Variants in PRR16 observed in about 807,000 individuals in gnomAD.
PRR16 encodes the protein proline rich 16.
A neutral mutation model predicts 18.2 loss-of-function variants in PRR16; 6 were observed. That is an observed-to-expected ratio of 0.33 (90% confidence interval 0.18 to 0.65). PRR16 has a LOEUF of 0.65. PRR16 is among the 30% of genes least tolerant of loss of function. The pLI is 0.74. For missense variants in PRR16, 412 were observed against 376.6 expected, an observed-to-expected ratio of 1.09 and a Z score of -0.78; for synonymous variants, 151 against 147.8, an observed-to-expected ratio of 1.02 and a Z score of -0.16.
the PRR16 span, among the ~76,000 whole-genome samples, chr5:120,754,278 A>G: frequency 5.8e-5 from 2 of 34,692 alleles, no homozygotes; most frequent in Non-Finnish European, 1.0e-4. Flanking sequence ...ATAAAATAAT[A>G]TATAAATATA....
the PRR16 span, among the ~76,000 whole-genome samples, chr5:120,785,575 G>GTTTTTTTTTTTTTTTTT: frequency 2.6e-5 from 3 of 115,404 alleles, no homozygotes; most frequent in African/African-American, 6.8e-5. Context: ...TGTTGTTGTT[G>GTTTTTTTTTTTTTTTTT]TTTTTTTTTT....
chr5:120,587,903 G>A (rs1379862101), intron 1 of PRR16, among the ~76,000 whole-genome samples: 1 of 152,114 alleles, frequency 6.6e-6, no homozygotes, highest in Non-Finnish European at 1.5e-5. Context: ...AAAACATTTT[G>A]GAAAAGATTC....
In PRR16 at chr5:120,580,545, C is replaced by T. The variant is rs1753238218; in HGVS notation, c.160-105409C>T. On this transcript the variant is annotated intron_variant, in intron 1 of 1. Coordinates refer to ENST00000407149, the MANE Select transcript of PRR16 (RefSeq NM_001300783.2). ...TCTCGGCTCACTGCAAGCTCCACCTCCCAGGTTCACGCCATTCTCCTGCCT... is the reference window on the plus strand; with the variant it reads ...TCTCGGCTCACTGCAAGCTCCACCTTCCAGGTTCACGCCATTCTCCTGCCT... 4.0e-5 allele frequency among the ~76,000 whole-genome samples: 6 copies of T among 151,140 alleles called. No homozygotes were observed. In the South Asian group the frequency reaches 1.3e-3, roughly 32 times the overall value.
chr5:120,741,665 G>C, the PRR16 span, among the ~76,000 whole-genome samples: 1 of 152,032 alleles, frequency 6.6e-6, no homozygotes, highest in Non-Finnish European at 1.5e-5. Context: ...ACACTGGCCC[G>C]ATCACGGCTC....
the PRR16 span, among the ~76,000 whole-genome samples, chr5:120,776,579 T>C: frequency 6.6e-6 from 1 of 152,120 alleles, no homozygotes; most frequent in South Asian, 2.1e-4. Context: ...GGTTCCAAAA[T>C]AGTTTGAGCA....
intron 1 of PRR16, among the ~76,000 whole-genome samples, chr5:120,475,892 A>G (rs1356071974): frequency 6.6e-6 from 1 of 152,182 alleles, no homozygotes; most frequent in African/African-American, 2.4e-5. Flanking sequence ...TTCAAATAAT[A>G]ATATAAATAA....
chr5:120,753,069 T>C, the PRR16 span, among the ~76,000 whole-genome samples: 1 of 152,006 alleles, frequency 6.6e-6, no homozygotes, highest in Non-Finnish European at 1.5e-5. Flanking sequence ...AGGAATGATA[T>C]GACTTTGGTT....
the PRR16 span, among the ~76,000 whole-genome samples, chr5:120,794,032 A>C: frequency 3.3e-5 from 5 of 152,154 alleles, no homozygotes; most frequent in Non-Finnish European, 7.4e-5. Flanking sequence ...TATGTGCTGA[A>C]TGTATCCAGT....
At position 120,518,727 on chromosome 5, in the gene PRR16, G is replaced by T. The variant is rs140267845; in HGVS notation, c.159+54082G>T. Among the ~76,000 whole-genome samples the T allele has an allele frequency of 9.2e-5, 14 of 152,158 alleles. No homozygotes were observed. The East Asian group carries it at 9.7e-4, about 11-fold the overall frequency. The stretch of plus-strand genomic sequence containing the variant: ...AAGATGACTACATTTTGAACAACGG[G>T]TCTGAACAGAGGTGATGTGTGTAAT... On this transcript the variant is annotated intron_variant, in intron 1 of 1. Coordinates refer to ENST00000407149, the MANE Select transcript of PRR16 (RefSeq NM_001300783.2).
chr5:120,650,762 G>A (rs369239382), intron 1 of PRR16, among the ~76,000 whole-genome samples: 6 of 152,036 alleles, frequency 3.9e-5, no homozygotes, highest in South Asian at 2.1e-4. Context: ...AGTCTTTGCT[G>A]TTGTGAATAG....
chr5:120,467,278 C>T (rs1749134022), intron 1 of PRR16, among the ~76,000 whole-genome samples: 1 of 152,070 alleles, frequency 6.6e-6, no homozygotes, highest in Non-Finnish European at 1.5e-5. Context: ...CAATGCTATG[C>T]TTTTAGACCA....
intron 1 of PRR16, among the ~76,000 whole-genome samples, chr5:120,554,889 A>T (rs1001368332): frequency 6.6e-6 from 1 of 151,924 alleles, no homozygotes; most frequent in Non-Finnish European, 1.5e-5. Context: ...AAGCAGCTAC[A>T]GCATATCTTT....
intron 1 of PRR16, among the ~76,000 whole-genome samples, chr5:120,589,728 T>C (rs1291908812): frequency 6.6e-6 from 1 of 152,018 alleles, no homozygotes; most frequent in Non-Finnish European, 1.5e-5. Context: ...ATGAGAACAG[T>C]ATGGCAGAAA....
At chr5:120,683,919 T>C (rs1265172311) in intron 1 of PRR16, among the ~76,000 whole-genome samples, 4 of 127,044 alleles carry the variant, frequency 3.1e-5, no homozygotes, top group African/African-American at 1.1e-4. Flanking sequence ...ACACTTCTGC[T>C]TCAAAAAAAA....
At chr5:120,589,925 C>T (rs1753576380) in intron 1 of PRR16, among the ~76,000 whole-genome samples, 1 of 151,986 alleles carries the variant, frequency 6.6e-6, no homozygotes, top group Admixed American at 6.6e-5. Context: ...AATTTGCTTG[C>T]CAAGAAGATT....
At chr5:120,671,171 G>C (rs1360269344) in intron 1 of PRR16, among the ~76,000 whole-genome samples, 1 of 152,062 alleles carries the variant, frequency 6.6e-6, no homozygotes, top group Non-Finnish European at 1.5e-5. Flanking sequence ...TGTATTCCTA[G>C]AACTCTCATT....
At chr5:120,555,943 A>G (rs1752395715) in intron 1 of PRR16, among the ~76,000 whole-genome samples, 1 of 151,890 alleles carries the variant, frequency 6.6e-6, no homozygotes, top group African/African-American at 2.4e-5. Context: ...TGATTAAAAA[A>G]GACTTTATTT....
Position 120,464,446 on chromosome 5 carries a change from C to G in PRR16, c.-41C>G. The G allele has an allele frequency of 6.5e-7, 1 of 1,528,750 alleles. No individual in the cohort carries two copies. Among genetic ancestry groups the G allele is most frequent in the Non-Finnish European group, 8.8e-7 (1 of 1,141,630 alleles). The allele number at this position is 1,528,750 out of a possible 1,614,324, so 94.7% of individuals were successfully genotyped here. On this transcript the variant is annotated 5_prime_UTR_variant, in exon 1 of 2. Transcript: ENST00000407149. The stretch of plus-strand genomic sequence containing the variant: ...GGACGGGGGCACGCAGCAGCCTCCG[C>G]TCGCCCGCCTGTCCTGACCTGCCTC...
chr5:120,685,916 G>T lies in PRR16; in HGVS notation c.160-38G>T, dbSNP rs375160610. On this transcript the variant is annotated intron_variant, in intron 1 of 1. Transcript: ENST00000407149. ...ATTGTTTCTAGTATACTTTGTTTGG[G>T]TCATTCTTCAAAACAATTACCTTGT... The T allele has an allele frequency of 2.1e-4, 330 of 1,567,008 alleles. 1 individual carries two copies. The highest frequency in any genetic ancestry group is 2.7e-4 in the Non-Finnish European group (315 of 1,154,722).
Sources: gnomAD v4.1 joint callset for allele counts (sites outside exome capture counted in the v4.1 genomes callset) on GRCh38, gnomAD v4.1.1 for gene constraint, MANE v1.5 for transcripts, NCBI Gene and HGNC (gene_info 2026-07-23, HGNC 2026-07-21) for gene names.